FGF12: variants seen among roughly 807,000 people sequenced by gnomAD.
The protein encoded by FGF12 is fibroblast growth factor 12, also known as fibroblast growth factor 12B.
In FGF12, 14 loss-of-function variants were observed where a neutral mutation model predicts 23.6. The observed-to-expected ratio is 0.59, with a 90% CI of 0.39 to 0.93. FGF12 has a LOEUF of 0.93. Among genes scored for constraint, FGF12 ranks in the 40% least tolerant of loss-of-function variants. FGF12 has a pLI of 0.00. For synonymous variants in FGF12, 62 were observed against 77.3 expected, an observed-to-expected ratio of 0.80 and a Z score of 1.04; for missense variants, 175 against 217.8, an observed-to-expected ratio of 0.80 and a Z score of 1.24.
At chr3:192,449,489 C>T (rs1722459491) in intron 2 of FGF12, among the ~76,000 whole-genome samples, 1 of 152,154 alleles carries the variant, frequency 6.6e-6, no homozygotes, top group African/African-American at 2.4e-5. Context: ...GTCGGGTAAG[C>T]TCCTGTGCAC....
intron 4 of FGF12, among the ~76,000 whole-genome samples, chr3:192,329,847 T>C (rs879878661): frequency 1.2e-4 from 19 of 152,204 alleles, no homozygotes; most frequent in Non-Finnish European, 2.5e-4. Flanking sequence ...TTCAACAGAT[T>C]GTAACACAGA....
chr3:192,646,695 C>T (rs1397051944), intron 2 of FGF12, among the ~76,000 whole-genome samples: 6 of 152,010 alleles, frequency 3.9e-5, no homozygotes, highest in Non-Finnish European at 7.4e-5. Context: ...TTAATGGCTG[C>T]CAGGTGCTAG....
At position 192,684,081 on chromosome 3, in the gene FGF12, C is replaced by T. The variant is rs184889971; in HGVS notation, c.13+43100G>A. Among the ~76,000 whole-genome samples, 122 of 152,192 alleles carry T rather than the reference C, an allele frequency of 8.0e-4. 1 individual carries two copies. The highest frequency in any genetic ancestry group is 2.9e-3 in the African/African-American group (120 of 41,516). On this transcript the variant is annotated intron_variant, in intron 2 of 5. Transcript: ENST00000445105. ...GAGTCATCTTGGGAGTGCCTGCTCT[C>T]GATGCAACATCTTAGAATCCTCTCC...
At chr3:192,688,591 A>G (rs1395417681) in intron 2 of FGF12, among the ~76,000 whole-genome samples, 2 of 152,232 alleles carry the variant, frequency 1.3e-5, no homozygotes, top group Non-Finnish European at 2.9e-5. Flanking sequence ...ATCCTGTCTG[A>G]TCTCAGAAGA....
chr3:192,310,964 C>T (rs1376640062), intron 4 of FGF12, among the ~76,000 whole-genome samples: 1 of 152,140 alleles, frequency 6.6e-6, no homozygotes, highest in Non-Finnish European at 1.5e-5. Flanking sequence ...TGTCTCACCT[C>T]TCCAATCGTG....
At chr3:192,231,240 G>T (rs941239479) in intron 4 of FGF12, among the ~76,000 whole-genome samples, 8 of 152,042 alleles carry the variant, frequency 5.3e-5, no homozygotes, top group Non-Finnish European at 5.9e-5. Flanking sequence ...ACCTTAAAAT[G>T]CATGGAAAAT....
At chr3:192,224,324 G>T (rs1307214585) in intron 4 of FGF12, among the ~76,000 whole-genome samples, 1 of 152,086 alleles carries the variant, frequency 6.6e-6, no homozygotes, top group Non-Finnish European at 1.5e-5. Context: ...AAACAAACGT[G>T]AAGGATTTCC....
At chr3:192,160,314 T>A (rs553562304) in intron 5 of FGF12, among the ~76,000 whole-genome samples, 1 of 152,244 alleles carries the variant, frequency 6.6e-6, no homozygotes, top group Non-Finnish European at 1.5e-5. Flanking sequence ...TCTCTCTAAG[T>A]TCATCTCCTA....
rs1553804997 is a variant in FGF12 at position 192,378,026 on chromosome 3, T to TTTCTTTCTTTC, written c.14-17489_14-17488insGAAAGAAAGAA. On this transcript the variant is annotated intron_variant, in intron 2 of 5. Coordinates refer to ENST00000445105, the MANE Select transcript of FGF12 (RefSeq NM_004113.6). ...GAGATCCCTTTCTTCTGACTCTTTCTTTTCTTTCTTTCTTTCTTTCTTTCT... is the reference window on the plus strand; with the variant it reads ...GAGATCCCTTTCTTCTGACTCTTTCTTTCTTTCTTTCTTTCTTTCTTTCTTTCTTTCTTTCT... Among the ~76,000 whole-genome samples, 15 of 69,438 alleles carry TTTCTTTCTTTC rather than the reference T, an allele frequency of 2.2e-4. 2 individuals are homozygous for TTTCTTTCTTTC. Among genetic ancestry groups the TTTCTTTCTTTC allele is most frequent in the Admixed American group, 1.7e-3 (12 of 6,984 alleles). 45.6% of individuals were successfully genotyped at this position (69,438 alleles called of 152,430 possible).
At chr3:192,144,167 C>G in intron 5 of FGF12, 40 bp from the exon 6 acceptor site, 1 of 1,175,176 alleles carries the variant, frequency 8.5e-7, no homozygotes, top group South Asian at 1.3e-5. Context: ...TGACAGTGGA[C>G]ATAAATTTCC....
chr3:192,488,702 GGGAGTC>G (rs1218001610), intron 2 of FGF12, among the ~76,000 whole-genome samples: 14 of 152,024 alleles, frequency 9.2e-5, no homozygotes, highest in African/African-American at 2.9e-4. Flanking sequence ...GCTGCTTGCA[GGGAGTC>G]AACTGTCAGG....
chr3:192,556,045 T>G (rs928995661), intron 2 of FGF12, among the ~76,000 whole-genome samples: 2 of 151,512 alleles, frequency 1.3e-5, no homozygotes, highest in Non-Finnish European at 2.9e-5. Context: ...AATCAAAGCA[T>G]GTTGCTATTA....
chr3:192,488,311 G>A (rs78024689), intron 2 of FGF12, among the ~76,000 whole-genome samples: 9,456 of 151,930 alleles, frequency 0.062, 1,013 homozygotes, highest in African/African-American at 0.22. Context: ...GAAATATAAC[G>A]TTCATCACTA....
At chr3:192,585,718 AAAC>A (rs1713347356) in intron 2 of FGF12, among the ~76,000 whole-genome samples, 3 of 152,140 alleles carry the variant, frequency 2.0e-5, no homozygotes, top group African/African-American at 2.4e-5. Context: ...ACAACCAGCA[AAAC>A]AACAACAATA....
At chr3:192,510,234 AAG>A (rs1231234160) in intron 2 of FGF12, among the ~76,000 whole-genome samples, 3 of 152,208 alleles carry the variant, frequency 2.0e-5, no homozygotes, top group African/African-American at 7.2e-5. Flanking sequence ...TGCCCAGCAG[AAG>A]GACCCAAAAT....
At chr3:192,482,667 G>T in intron 2 of FGF12, among the ~76,000 whole-genome samples, 1 of 152,006 alleles carries the variant, frequency 6.6e-6, no homozygotes, top group East Asian at 1.9e-4. Flanking sequence ...ACAGCATGGA[G>T]TATGAATCTT....
At chr3:192,461,248 T>G (rs140319612) in intron 2 of FGF12, among the ~76,000 whole-genome samples, 30 of 152,246 alleles carry the variant, frequency 2.0e-4, no homozygotes, top group African/African-American at 7.0e-4. Flanking sequence ...AAAAAAATGA[T>G]CCACATGCAC....
Position 192,407,925 on chromosome 3 carries a change from G to A in FGF12, c.14-47387C>T, listed in dbSNP as rs969417672. The stretch of plus-strand genomic sequence containing the variant: ...AGAGAAGAGGGGTCAGAATGTAAAA[G>A]AGGAATCCTGGTTCCCTTCCACGGG... On this transcript the variant is annotated intron_variant, in intron 2 of 5. Coordinates refer to ENST00000445105, the MANE Select transcript of FGF12 (RefSeq NM_004113.6). 6 of 1,276,542 alleles carry A rather than the reference G, an allele frequency of 4.7e-6. No homozygotes were observed. In the Admixed American group the frequency reaches 1.4e-4, roughly 29 times the overall value. 79.1% of individuals were successfully genotyped at this position (1,276,542 alleles called of 1,614,324 possible). A position where few individuals can be genotyped will look rare whatever the true frequency, so the allele number is the denominator to read the frequency against.
At chr3:192,520,215 A>C (rs1265366779) in intron 2 of FGF12, among the ~76,000 whole-genome samples, 1 of 152,182 alleles carries the variant, frequency 6.6e-6, no homozygotes, top group Non-Finnish European at 1.5e-5. Context: ...ATAGATTCTG[A>C]TATATCATGT....
Sources: allele counts gnomAD v4.1 joint callset (sites outside exome capture counted in the v4.1 genomes callset), GRCh38; gene constraint gnomAD v4.1.1; transcripts MANE v1.5; gene names NCBI Gene and HGNC (gene_info 2026-07-23, HGNC 2026-07-21).